Variants in ST8SIA4 observed in about 807,000 individuals in gnomAD.
The protein encoded by ST8SIA4 is CMP-N-acetylneuraminate-poly-alpha-2,8-sialyltransferase.
ST8SIA4 carries 15 observed loss-of-function variants against 33.9 expected under a neutral mutation model. The observed-to-expected ratio is 0.44, with a 90% CI of 0.30 to 0.68. ST8SIA4 has a LOEUF of 0.68. ST8SIA4 is among the 30% of genes least tolerant of loss of function. The pLI is 0.10. For missense variants in ST8SIA4, 321 were observed against 428.0 expected, an observed-to-expected ratio of 0.75 and a Z score of 2.21; for synonymous variants, 171 against 151.2, an observed-to-expected ratio of 1.13 and a Z score of -0.96.
chr5:100,872,350 T>G (rs180959694), intron 3 of ST8SIA4, among the ~76,000 whole-genome samples: 52 of 152,154 alleles, frequency 3.4e-4, no homozygotes, highest in African/African-American at 1.2e-3. Flanking sequence ...ACATTGAAAA[T>G]TTTTTTCTTG....
chr5:100,816,655 C>T, intron 4 of ST8SIA4: 2 of 493,374 alleles, frequency 4.1e-6, no homozygotes, highest in East Asian at 5.8e-5. Flanking sequence ...AGGATGGAAT[C>T]TCACTGTGCC....
At chr5:100,851,680 A>G (rs151174417) in intron 4 of ST8SIA4, among the ~76,000 whole-genome samples, 161 of 152,176 alleles carry the variant, frequency 1.1e-3, no homozygotes, top group African/African-American at 3.8e-3. Context: ...CTGTCTATCT[A>G]TAGGTTTTTT....
intron 4 of ST8SIA4, among the ~76,000 whole-genome samples, chr5:100,854,481 G>C (rs1377884555): frequency 6.6e-6 from 1 of 152,130 alleles, no homozygotes; most frequent in Non-Finnish European, 1.5e-5. Context: ...TACTTGGGAG[G>C]CTGAGGCAGG....
In ST8SIA4 at chr5:100,834,633, C is replaced by A. The variant is rs116087927; in HGVS notation, c.797+21470G>T. On this transcript the variant is annotated intron_variant, in intron 4 of 4. Coordinates refer to ENST00000231461, the MANE Select transcript of ST8SIA4 (RefSeq NM_005668.6). ...GTCAGCCTCAACATTGGATGTGGGG[C>A]CTTGTGAGAGGTGATTGGATCATGT... Among the ~76,000 whole-genome samples, 608 of 152,072 alleles carry A rather than the reference C, an allele frequency of 4.0e-3. 5 individuals carry two copies. Among genetic ancestry groups the A allele is most frequent in the African/African-American group, 0.014 (584 of 41,464 alleles).
chr5:100,845,506 A>C (rs1402116144), intron 4 of ST8SIA4, among the ~76,000 whole-genome samples: 1 of 151,942 alleles, frequency 6.6e-6, no homozygotes. Context: ...TATATTTTGC[A>C]TATTGATCAA....
chr5:100,854,024 A>G (rs72778620), intron 4 of ST8SIA4, among the ~76,000 whole-genome samples: 34,952 of 149,756 alleles, frequency 0.23, 5,124 homozygotes, highest in Non-Finnish European at 0.32. Context: ...TTTAAGATGG[A>G]AACATTATCT....
intron 3 of ST8SIA4, among the ~76,000 whole-genome samples, chr5:100,876,683 C>T (rs1320371170): frequency 6.6e-6 from 1 of 151,748 alleles, no homozygotes; most frequent in East Asian, 1.9e-4. Context: ...ATTTAAAATT[C>T]TTACTTAAAT....
chr5:100,838,378 C>A (rs1414941849), intron 4 of ST8SIA4, among the ~76,000 whole-genome samples: 2 of 151,858 alleles, frequency 1.3e-5, no homozygotes, highest in Non-Finnish European at 2.9e-5. Flanking sequence ...AGTCTGCTAC[C>A]TCTCTTCTAC....
At chr5:100,816,225 C>A (rs548274915) in intron 4 of ST8SIA4, among the ~76,000 whole-genome samples, 4 of 151,994 alleles carry the variant, frequency 2.6e-5, no homozygotes, top group African/African-American at 9.7e-5. Flanking sequence ...TAACACATTG[C>A]AAAGAAAAGA....
At chr5:100,823,156 C>A (rs1171775934) in intron 4 of ST8SIA4, among the ~76,000 whole-genome samples, 6 of 149,994 alleles carry the variant, frequency 4.0e-5, no homozygotes, top group Admixed American at 2.0e-4. Flanking sequence ...AACAAACAAA[C>A]AAACAAAAAA....
intron 4 of ST8SIA4, among the ~76,000 whole-genome samples, chr5:100,851,600 C>T (rs1221346724): frequency 6.6e-6 from 1 of 151,832 alleles, no homozygotes; most frequent in African/African-American, 2.4e-5. Flanking sequence ...AGTTGTAGAG[C>T]TACTACAATA....
intron 4 of ST8SIA4, among the ~76,000 whole-genome samples, chr5:100,828,188 A>G (rs1751180638): frequency 2.0e-5 from 3 of 152,088 alleles, no homozygotes; most frequent in African/African-American, 7.2e-5. Context: ...GGGAGTTTTC[A>G]CTTCTCGGGT....
At chr5:100,842,208 GTTAT>G (rs1751485445) in intron 4 of ST8SIA4, among the ~76,000 whole-genome samples, 1 of 151,760 alleles carries the variant, frequency 6.6e-6, no homozygotes, top group Admixed American at 6.6e-5. Context: ...TATATTCTGT[GTTAT>G]TTCTCATAAA....
intron 2 of ST8SIA4, 108 bp downstream of exon 2, chr5:100,895,546 A>G (rs765570750): frequency 1.8e-5 from 19 of 1,055,308 alleles, no homozygotes; most frequent in Middle Eastern, 4.3e-4. Flanking sequence ...TCTTTTATTT[A>G]AGTATTCATA....
At chr5:100,815,760 AC>A (rs1285949012) in intron 4 of ST8SIA4, among the ~76,000 whole-genome samples, 1 of 152,154 alleles carries the variant, frequency 6.6e-6, no homozygotes, top group African/African-American at 2.4e-5. Flanking sequence ...TAGTCAGAAG[AC>A]ACAGCTTTGT....
chr5:100,856,259 C>A lies in ST8SIA4; in HGVS notation c.641G>T (p.Arg214Ile), dbSNP rs964680835. The change falls in exon 4 of 5, where the codon AGA (arginine) becomes ATA (isoleucine). Residue 214 changes from arginine (R) to isoleucine (I), a missense_variant. Coordinates refer to ENST00000231461, the MANE Select transcript of ST8SIA4 (RefSeq NM_005668.6). Reference protein sequence around the residue: ...NESDREKFVHRLSMLNDSVLW... With the variant: ...NESDREKFVHILSMLNDSVLW... ...GACACTGTCATTCAGCATGGAAAGT[C>A]TATGCACAAATTTTTCTCTGTCACT... 6.2e-7 allele frequency: 1 copy of A among 1,614,104 alleles called. No individual in the cohort carries two copies. The highest frequency in any genetic ancestry group is 8.5e-7 in the Non-Finnish European group (1 of 1,179,978).
chr5:100,867,476 T>A (rs1405772064), intron 3 of ST8SIA4, among the ~76,000 whole-genome samples: 2 of 152,044 alleles, frequency 1.3e-5, no homozygotes, highest in African/African-American at 4.8e-5. Context: ...ACATTTATTA[T>A]GGCTGATACT....
At chr5:100,827,583 T>C (rs1460843640) in intron 4 of ST8SIA4, among the ~76,000 whole-genome samples, 1 of 152,236 alleles carries the variant, frequency 6.6e-6, no homozygotes, top group Non-Finnish European at 1.5e-5. Flanking sequence ...GACTTATGTA[T>C]CTCAGTGACA....
At chr5:100,860,655 G>A (rs1372708896) in intron 3 of ST8SIA4, among the ~76,000 whole-genome samples, 1 of 152,164 alleles carries the variant, frequency 6.6e-6, no homozygotes, top group Non-Finnish European at 1.5e-5. Context: ...TAAAGTGGTT[G>A]AGAAACATGT....
Sources: allele counts gnomAD v4.1 joint callset (sites outside exome capture counted in the v4.1 genomes callset), GRCh38; gene constraint gnomAD v4.1.1; transcripts MANE v1.5; gene names NCBI Gene and HGNC (gene_info 2026-07-23, HGNC 2026-07-21).